The following EXOC4 variants were observed in gnomAD, a reference collection of about 807,000 sequenced individuals.
EXOC4 encodes exocyst complex component 4.
In EXOC4, 71 loss-of-function variants were observed where a neutral mutation model predicts 107.2. The observed-to-expected ratio is 0.66, with a 90% CI of 0.55 to 0.81. The LOEUF is 0.81. EXOC4 is among the 30% of genes least tolerant of loss of function. The probability of loss-of-function intolerance (pLI) is 0.00; values close to 1 mark genes in which losing one functional copy is unlikely to be tolerated. For synonymous variants in EXOC4, 456 were observed against 441.2 expected, an observed-to-expected ratio of 1.03 and a Z score of -0.42; for missense variants, 1,108 against 1,189.6, an observed-to-expected ratio of 0.93 and a Z score of 1.01.
intron 9 of EXOC4, among the ~76,000 whole-genome samples, chr7:133,529,649 A>G (rs1563098161): frequency 6.6e-6 from 1 of 152,098 alleles, no homozygotes; most frequent in Non-Finnish European, 1.5e-5. Context: ...TCTCTGTACT[A>G]TTTATGCAAC....
intron 11 of EXOC4, among the ~76,000 whole-genome samples, chr7:133,858,605 A>G (rs144077821): frequency 1.3e-5 from 2 of 152,074 alleles, no homozygotes; most frequent in African/African-American, 4.8e-5. Flanking sequence ...TCCTGCTGCT[A>G]TCATTAATAA....
At chr7:133,952,931 A>G (rs1190449969) in intron 14 of EXOC4, among the ~76,000 whole-genome samples, 3 of 152,154 alleles carry the variant, frequency 2.0e-5, no homozygotes, top group African/African-American at 4.8e-5. Context: ...TCTTTTGCCT[A>G]TTGTGAGTAA....
At chr7:133,560,315 C>G (rs1413221883) in intron 9 of EXOC4, among the ~76,000 whole-genome samples, 1 of 152,026 alleles carries the variant, frequency 6.6e-6, no homozygotes, top group Non-Finnish European at 1.5e-5. Context: ...GACAGAGTCT[C>G]CGTCTGTGGC....
intron 10 of EXOC4, among the ~76,000 whole-genome samples, chr7:133,724,601 A>G (rs539123390): frequency 6.5e-4 from 99 of 152,344 alleles, no homozygotes; most frequent in African/African-American, 2.3e-3. Context: ...TAATAATATC[A>G]TATCTATTAT....
At position 133,661,672 on chromosome 7, in the gene EXOC4, TAAA is replaced by T. The variant is rs1177627198; in HGVS notation, c.1514+31545_1514+31547del. On this transcript the variant is annotated intron_variant, in intron 10 of 17. Coordinates refer to ENST00000253861, the MANE Select transcript of EXOC4 (RefSeq NM_021807.4). The stretch of plus-strand genomic sequence containing the variant: ...TGTTAAATTCTCCACTCCTTAAAAC[TAAA>T]AAAAAAAAAAAAACAAAAAAAAAAA... 3.0e-4 allele frequency among the ~76,000 whole-genome samples: 4 copies of T among 13,450 alleles called. No individual in the cohort carries two copies. The South Asian group carries it at 9.7e-3, about 33-fold the overall frequency. 8.8% of individuals were successfully genotyped at this position (13,450 alleles called of 152,430 possible). A position where few individuals can be genotyped will look rare whatever the true frequency, so the allele number is the denominator to read the frequency against.
intron 14 of EXOC4, among the ~76,000 whole-genome samples, chr7:133,945,100 G>A (rs1440564623): frequency 6.6e-6 from 1 of 152,148 alleles, no homozygotes; most frequent in Admixed American, 6.6e-5. Context: ...TTAGAGAGCT[G>A]TAAAAATACT....
Position 133,793,870 on chromosome 7 carries a change from A to AAATG in EXOC4, c.1515-23453_1515-23452insTGAA, listed in dbSNP as rs1175010515. Among the ~76,000 whole-genome samples the AAATG allele has an allele frequency of 4.0e-5, 6 of 151,620 alleles. No individual in the cohort carries two copies. The East Asian group carries it at 1.2e-3, about 29-fold the overall frequency. On this transcript the variant is annotated intron_variant, in intron 10 of 17. Coordinates refer to ENST00000253861, the MANE Select transcript of EXOC4 (RefSeq NM_021807.4). ...ACACAAAAAATAAATAAAAATAAAT[A>AAATG]AAATGCCCTAAAACAGCTGGATAAA...
the EXOC4 span, among the ~76,000 whole-genome samples, chr7:134,090,790 C>T: frequency 2.0e-5 from 3 of 152,012 alleles, no homozygotes; most frequent in Admixed American, 6.6e-5. Context: ...CACCCACAGC[C>T]GTCAGCAAAG....
Position 133,768,479 on chromosome 7 carries a change from A to G in EXOC4, c.1515-48846A>G, listed in dbSNP as rs145971249. ...CTGCAGAGAAATCTACTGTGTCTAC[A>G]ACAGCAACTGGTTCTCTAGGAACCT... On this transcript the variant is annotated intron_variant, in intron 10 of 17. Coordinates refer to ENST00000253861, the MANE Select transcript of EXOC4 (RefSeq NM_021807.4). The G allele has an allele frequency of 4.6e-5, 7 of 152,088 alleles. 1 individual carries two copies. The highest frequency in any genetic ancestry group is 1.7e-4 in the African/African-American group (7 of 41,538). The allele number at this position is 152,088 out of a possible 1,614,324, so 9.4% of individuals were successfully genotyped here.
At chr7:134,053,336 C>T (rs1795842680) in intron 17 of EXOC4, among the ~76,000 whole-genome samples, 1 of 151,932 alleles carries the variant, frequency 6.6e-6, no homozygotes, top group Non-Finnish European at 1.5e-5. Context: ...AATGCTTCTA[C>T]ATTCTTACTC....
intron 5 of EXOC4, among the ~76,000 whole-genome samples, chr7:133,355,853 TTTA>T (rs1796008899): frequency 1.3e-5 from 2 of 152,272 alleles, no homozygotes; most frequent in South Asian, 4.1e-4. Flanking sequence ...TTTTAAAAAA[TTTA>T]TTATAATTTT....
chr7:133,719,346 A>G (rs987629924), intron 10 of EXOC4, among the ~76,000 whole-genome samples: 1 of 152,126 alleles, frequency 6.6e-6, no homozygotes, highest in East Asian at 1.9e-4. Context: ...CAGCATGAAA[A>G]CGAACTAATA....
At chr7:133,855,710 C>G (rs1798360100) in intron 11 of EXOC4, among the ~76,000 whole-genome samples, 1 of 152,178 alleles carries the variant, frequency 6.6e-6, no homozygotes, top group Non-Finnish European at 1.5e-5. Context: ...AGCCAGCTCC[C>G]CACGATCCAT....
chr7:133,356,682 A>C, intron 6 of EXOC4, 109 bp downstream of exon 6: 1 of 1,325,290 alleles, frequency 7.5e-7, no homozygotes, highest in Non-Finnish European at 1.0e-6. Context: ...TGAACTTAGG[A>C]TACTATAGCC....
intron 9 of EXOC4, among the ~76,000 whole-genome samples, chr7:133,603,930 CACAA>C (rs1227434948): frequency 3.9e-5 from 6 of 152,080 alleles, no homozygotes; most frequent in South Asian, 2.1e-4. Flanking sequence ...CAGCTTAAAA[CACAA>C]ACACAGTGTA....
chr7:133,924,677 A>G (rs542620204), intron 13 of EXOC4, among the ~76,000 whole-genome samples: 1 of 152,358 alleles, frequency 6.6e-6, no homozygotes, highest in East Asian at 1.9e-4. Context: ...ACCATCCCAG[A>G]TCAAAATATA....
At chr7:133,761,441 A>T (rs1005634572) in intron 10 of EXOC4, among the ~76,000 whole-genome samples, 8 of 152,186 alleles carry the variant, frequency 5.3e-5, no homozygotes, top group Non-Finnish European at 8.8e-5. Context: ...ATTATATGGA[A>T]AAGAGTCAAT....
intron 10 of EXOC4, among the ~76,000 whole-genome samples, chr7:133,741,481 G>C (rs187855526): frequency 6.6e-6 from 1 of 152,046 alleles, no homozygotes; most frequent in African/African-American, 2.4e-5. Context: ...CTATCACATG[G>C]TATCATAATT....
At chr7:133,455,090 A>T (rs1045017698) in intron 7 of EXOC4, among the ~76,000 whole-genome samples, 2 of 152,244 alleles carry the variant, frequency 1.3e-5, no homozygotes, top group African/African-American at 2.4e-5. Flanking sequence ...GTCTCCAAAA[A>T]ATATATATAA....
Sources: allele counts gnomAD v4.1 joint callset (sites outside exome capture counted in the v4.1 genomes callset), GRCh38; gene constraint gnomAD v4.1.1; transcripts MANE v1.5; gene names NCBI Gene and HGNC (gene_info 2026-07-23, HGNC 2026-07-21).